The following FRMD4A variants were observed in gnomAD, a reference collection of about 807,000 sequenced individuals.
The protein encoded by FRMD4A is FERM domain-containing protein 4A.
Under a neutral mutation model 129.1 loss-of-function variants are expected in FRMD4A, and 29 were observed. That is an observed-to-expected ratio of 0.22 (90% CI 0.17 to 0.31). The LOEUF (loss-of-function observed/expected upper bound fraction) is 0.31, where lower values mean the gene tolerates loss of function less well. Ranked by LOEUF, FRMD4A falls within the 10% of genes least tolerant of loss-of-function variation. The probability of loss-of-function intolerance (pLI) is 1.00; values close to 1 mark genes in which losing one functional copy is unlikely to be tolerated. For synonymous variants in FRMD4A, 634 were observed against 571.6 expected (o/e 1.11, Z -1.56); for missense variants, 1,272 against 1,375.8 (o/e 0.92, Z 1.19).
chr10:13,798,060 A>C (rs2093161656), intron 4 of FRMD4A, among the ~76,000 whole-genome samples: 1 of 152,206 alleles, frequency 6.6e-6, no homozygotes, highest in African/African-American at 2.4e-5. Context: ...GGATAAAAAA[A>C]TTCCATTAAC....
chr10:13,784,318 GT>G (rs1292816950), intron 5 of FRMD4A, among the ~76,000 whole-genome samples: 1 of 152,266 alleles, frequency 6.6e-6, no homozygotes, highest in East Asian at 1.9e-4. Flanking sequence ...TCTTCAGACC[GT>G]AAAAGAAGAA....
At chr10:13,934,558 A>T (rs2131294490) in intron 2 of FRMD4A, among the ~76,000 whole-genome samples, 1 of 152,210 alleles carries the variant, frequency 6.6e-6, no homozygotes, top group African/African-American at 2.4e-5. Flanking sequence ...GGGTAATCCC[A>T]CTTATATCCT....
intron 4 of FRMD4A, among the ~76,000 whole-genome samples, chr10:13,802,475 A>G (rs566029778): frequency 6.6e-6 from 1 of 152,230 alleles, no homozygotes; most frequent in Non-Finnish European, 1.5e-5. Context: ...ATTTAGAGAC[A>G]GGGTCTCACT....
intron 2 of FRMD4A, among the ~76,000 whole-genome samples, chr10:14,113,396 C>T (rs772999860): frequency 1.3e-5 from 2 of 152,158 alleles, no homozygotes; most frequent in African/African-American, 2.4e-5. Context: ...ATATTTTCTT[C>T]CTTGCAATTT....
At chr10:14,050,934 A>G (rs1036173850) in intron 2 of FRMD4A, among the ~76,000 whole-genome samples, 1 of 152,204 alleles carries the variant, frequency 6.6e-6, no homozygotes, top group African/African-American at 2.4e-5. Context: ...CATTCTAGCA[A>G]ATGACTGAAA....
intron 2 of FRMD4A, among the ~76,000 whole-genome samples, chr10:14,161,365 ACC>A (rs1840879373): frequency 6.6e-6 from 1 of 152,244 alleles, no homozygotes; most frequent in Admixed American, 6.5e-5. Flanking sequence ...AGATACCTGC[ACC>A]CCCATGTTTT....
chr10:13,942,564 T>G (rs1565083575), intron 2 of FRMD4A, among the ~76,000 whole-genome samples: 1 of 152,186 alleles, frequency 6.6e-6, no homozygotes, highest in Non-Finnish European at 1.5e-5. Context: ...ATGAATTGTT[T>G]TACATCATTT....
At chr10:14,214,339 C>T (rs1843012856) in intron 2 of FRMD4A, among the ~76,000 whole-genome samples, 1 of 152,162 alleles carries the variant, frequency 6.6e-6, no homozygotes, top group Non-Finnish European at 1.5e-5. Flanking sequence ...AGTCATGCTG[C>T]ATGAAGTCCC....
chr10:13,960,703 G>A (rs1165664172), intron 2 of FRMD4A, among the ~76,000 whole-genome samples: 1 of 152,172 alleles, frequency 6.6e-6, no homozygotes, highest in Non-Finnish European at 1.5e-5. Context: ...GGGTTGACCG[G>A]CAGCCCACCT....
At chr10:13,839,743 C>T (rs1047661177) in intron 3 of FRMD4A, among the ~76,000 whole-genome samples, 2 of 152,194 alleles carry the variant, frequency 1.3e-5, no homozygotes, top group African/African-American at 2.4e-5. Context: ...CCTTGAGCCA[C>T]CAGCCATGTC....
chr10:14,201,296 T>C (rs1842630491), intron 2 of FRMD4A, among the ~76,000 whole-genome samples: 1 of 152,206 alleles, frequency 6.6e-6, no homozygotes, highest in South Asian at 2.1e-4. Context: ...TCTCTTTGCC[T>C]TTCAAGTTAC....
intron 2 of FRMD4A, among the ~76,000 whole-genome samples, chr10:13,938,561 T>C (rs968046547): frequency 5.3e-5 from 8 of 152,174 alleles, no homozygotes; most frequent in Non-Finnish European, 1.0e-4. Context: ...TGGTTTTATA[T>C]GAACTACTTT....
intron 2 of FRMD4A, among the ~76,000 whole-genome samples, chr10:13,876,382 T>C (rs1271388557): frequency 6.6e-6 from 1 of 152,244 alleles, no homozygotes; most frequent in Non-Finnish European, 1.5e-5. Context: ...TAGTACAGAC[T>C]GATAGGCACA....
At chr10:13,958,622 C>G (rs2941682) in intron 2 of FRMD4A, among the ~76,000 whole-genome samples, 117,709 of 147,414 alleles carry the variant, frequency 0.8, 47,452 homozygotes, top group East Asian at 0.98. Context: ...CCCCGCTCTT[C>G]TTGCCCAGGC....
chr10:13,847,641 G>A (rs1449673573), intron 3 of FRMD4A, among the ~76,000 whole-genome samples: 2 of 152,132 alleles, frequency 1.3e-5, no homozygotes, highest in South Asian at 2.1e-4. Context: ...GAAAGGACAG[G>A]GTCCAGCGGG....
intron 2 of FRMD4A, among the ~76,000 whole-genome samples, chr10:13,888,040 C>A (rs1056429936): frequency 1.3e-5 from 2 of 152,180 alleles, no homozygotes; most frequent in Admixed American, 6.5e-5. Context: ...AACCGTCTGG[C>A]CTTTGTGTGC....
intron 2 of FRMD4A, among the ~76,000 whole-genome samples, chr10:13,954,636 C>G (rs2095397207): frequency 6.6e-6 from 1 of 152,116 alleles, no homozygotes; most frequent in Admixed American, 6.5e-5. Flanking sequence ...CCTTCCAGCA[C>G]CATCAGGGCC....
At chr10:14,320,316 T>G (rs1251893882) in intron 2 of FRMD4A, among the ~76,000 whole-genome samples, 1 of 152,144 alleles carries the variant, frequency 6.6e-6, no homozygotes, top group Non-Finnish European at 1.5e-5. Flanking sequence ...TAGCAGTCCA[T>G]CTCTTCCATG....
chr10:13,716,443 C>G (rs1403493507), intron 12 of FRMD4A, among the ~76,000 whole-genome samples: 1 of 152,218 alleles, frequency 6.6e-6, no homozygotes, highest in Non-Finnish European at 1.5e-5. Flanking sequence ...AGGATGTCCT[C>G]CATCACTTGC....
Sources: gnomAD v4.1 joint callset for allele counts (sites outside exome capture counted in the v4.1 genomes callset) on GRCh38, gnomAD v4.1.1 for gene constraint, MANE v1.5 for transcripts, NCBI Gene and HGNC (gene_info 2026-07-23, HGNC 2026-07-21) for gene names.